The following TMC6 variants were observed in gnomAD, a reference collection of about 807,000 sequenced individuals.
The protein encoded by TMC6 is transmembrane channel-like protein 6.
In TMC6, 71 loss-of-function variants were observed where a neutral mutation model predicts 95.4. That is an observed-to-expected ratio of 0.74 (90% CI 0.61 to 0.91). The LOEUF is 0.91. TMC6 is among the 40% of genes least tolerant of loss of function. The probability of loss-of-function intolerance (pLI) is 0.00; values close to 1 mark genes in which losing one functional copy is unlikely to be tolerated. For synonymous variants in TMC6, 514 were observed against 483.1 expected, an observed-to-expected ratio of 1.06 and a Z score of -0.84; for missense variants, 1,074 against 1,079.1, an observed-to-expected ratio of 1.00 and a Z score of 0.07.
At chr17:78,118,424 C>T (rs1457579690) in intron 15 of TMC6, among the ~76,000 whole-genome samples, 3 of 152,132 alleles carry the variant, frequency 2.0e-5, no homozygotes, top group Admixed American at 6.5e-5. Context: ...GGTGTGGTGG[C>T]GGGCGCCTGT....
intron 13 of TMC6, chr17:78,119,704 G>C (rs1167429099): frequency 2.3e-6 from 1 of 434,908 alleles, no homozygotes; most frequent in Non-Finnish European, 4.3e-6. Flanking sequence ...ACGCAATCGT[G>C]GCTCACTGCA....
chr17:78,117,089 T>C (rs1174020104), intron 18 of TMC6, among the ~76,000 whole-genome samples, 180 bp downstream of exon 18: 4 of 152,008 alleles, frequency 2.6e-5, no homozygotes, highest in Non-Finnish European at 4.4e-5. Context: ...CCTGGCTCTG[T>C]CTCACGGCTA....
rs765586529 is a variant in TMC6 at position 78,123,991 on chromosome 17, G to A, written c.1080C>T (p.Tyr360=). Residue 360 remains tyrosine (Y), a splice_region_variant and synonymous_variant, in exon 9 of 20, where the codon TAC becomes TAT. Transcript: ENST00000590602. ...SFFITCITLV[Y]SMAHSFGESY... is the part of the protein sequence containing the mutation. Reference sequence around the variant, plus strand: ...GGGTCATGAGGTGGAGGCATTACCTGTACACCAGGGTGATGCAGGTGATAA... The same window carrying A: ...GGGTCATGAGGTGGAGGCATTACCTATACACCAGGGTGATGCAGGTGATAA... The A allele has an allele frequency of 1.2e-6, 2 of 1,613,664 alleles. No homozygotes were observed. Among genetic ancestry groups the A allele is most frequent in the African/African-American group, 2.7e-5 (2 of 74,904 alleles).
chr17:78,127,304 C>A (rs2074768226), intron 1 of TMC6, among the ~76,000 whole-genome samples: 1 of 152,218 alleles, frequency 6.6e-6, no homozygotes, highest in South Asian at 2.1e-4. Context: ...TGTAGGCCTT[C>A]TCTGCGTCTG....
intron 14 of TMC6, 74 bp downstream of exon 14, chr17:78,119,223 G>A: frequency 6.3e-7 from 1 of 1,578,694 alleles, no homozygotes; most frequent in East Asian, 2.2e-5. Context: ...GGGGGAGGCA[G>A]GTACAGGACC....
intron 18 of TMC6, among the ~76,000 whole-genome samples, chr17:78,115,924 G>A (rs1327722876): frequency 1.3e-5 from 2 of 150,724 alleles, no homozygotes; most frequent in East Asian, 1.9e-4. Flanking sequence ...CGAAGGGAGT[G>A]GGCACAGGGA....
In TMC6 at chr17:78,121,006, C is replaced by T; in HGVS notation, c.1535+7G>A. ...ACCAAATGATGTTTTCATGTGCGGC[C>T]ACACACCTGCAGATGGCCACGTACA... On this transcript the variant is annotated splice_region_variant and intron_variant, in intron 12 of 19. Coordinates refer to ENST00000590602, the MANE Select transcript of TMC6 (RefSeq NM_001127198.5). The surrounding 1 kb of genome is among the most constrained non-coding windows in gnomAD (Gnocchi z 5.6). The T allele has an allele frequency of 6.2e-7, 1 of 1,613,328 alleles. No homozygotes were observed. The highest frequency in any genetic ancestry group is 8.5e-7 in the Non-Finnish European group (1 of 1,180,008).
At chr17:78,119,556 G>A (rs1055473177) in intron 13 of TMC6, among the ~76,000 whole-genome samples, 164 bp from the exon 14 acceptor site, 1 of 152,222 alleles carries the variant, frequency 6.6e-6, no homozygotes, top group South Asian at 2.1e-4. Flanking sequence ...ACCCCACCAG[G>A]TGCTTGGTCA....
rs1397090118 is a variant in TMC6, at chr17:78,117,557, C to T, written c.2109G>A (p.Ala703=). ...GCAGCCAGGAGACCCTGGGGCCTGC[C>T]GCCTCCAGGTGGCGCACCCACACCC... The part of the protein sequence containing the change: ...AGRVWVRHLE[A]AGPRVSWLPW... The change falls in exon 17 of 20, where the codon GCG becomes GCA. Residue 703 remains alanine, a synonymous_variant. Transcript: ENST00000590602. The T allele has an allele frequency of 5.0e-6, 8 of 1,596,276 alleles. No homozygotes were observed. Among genetic ancestry groups the T allele is most frequent in the South Asian group, 4.5e-5 (4 of 89,042 alleles).
Position 78,109,659 on chromosome 17 carries a change from C to T in TMC6, c.*3489G>A, listed in dbSNP as rs1403982218. 1 of 426,632 alleles carries T rather than the reference C, an allele frequency of 2.3e-6. No individual in the cohort carries two copies. The highest frequency in any genetic ancestry group is 4.7e-6 in the Non-Finnish European group (1 of 211,166). The allele number at this position is 426,632 out of a possible 1,614,324, so 26.4% of individuals were successfully genotyped here. A position where few individuals can be genotyped will look rare whatever the true frequency, so the allele number is the denominator to read the frequency against. ...AGCAGAAGCACATTTCCGAAGCCCC[C>T]CAAGCCCACGGGCGTGAGTGCATGC... is the stretch of plus-strand genomic sequence containing the variant. On this transcript the variant is annotated 3_prime_UTR_variant, in exon 20 of 20. Transcript: ENST00000590602.
At position 78,121,500 on chromosome 17, in the gene TMC6, C is replaced by T; in HGVS notation, c.1383+56G>A. 1 of 1,609,202 alleles carries T rather than the reference C, an allele frequency of 6.2e-7. No homozygotes were observed. The highest frequency in any genetic ancestry group is 1.3e-5 in the African/African-American group (1 of 74,874). On this transcript the variant is annotated intron_variant, in intron 11 of 19. Transcript: ENST00000590602. This position sits in a 1 kb window ranked among gnomAD's most constrained non-coding sequence, Gnocchi z 5.6. ...GGCTGCCTCCCCAGGGGGCAGGTGC[C>T]CAGAGTCACTGGGGACACGTTCCAA...
intron 9 of TMC6, among the ~76,000 whole-genome samples, chr17:78,123,444 C>T (rs1481521898): frequency 7.0e-6 from 1 of 143,784 alleles, no homozygotes; most frequent in Non-Finnish European, 1.5e-5. Flanking sequence ...GATGGATGTG[C>T]GAATGGATGG....
In TMC6 at chr17:78,121,613, C is replaced by G; in HGVS notation, c.1326G>C (p.Leu442=). ...CCACGGCGCAGCCCAGCGCGGTCCC[C>G]AGACACAGCAGCCACACAAGCCCCA... ...AVLGLVWLLC[L]GTALGCAVAV... The change falls in exon 11 of 20, where the codon CTG becomes CTC. Residue 442 remains leucine, a synonymous_variant. Coordinates refer to ENST00000590602, the MANE Select transcript of TMC6 (RefSeq NM_001127198.5). The surrounding 1 kb of genome is among the most constrained non-coding windows in gnomAD (Gnocchi z 5.6). The G allele has an allele frequency of 1.2e-6, 2 of 1,611,102 alleles. No individual in the cohort carries two copies. The highest frequency in any genetic ancestry group is 1.7e-6 in the Non-Finnish European group (2 of 1,179,576).
upstream of TMC6, chr17:78,131,866 C>T (rs1245873344): frequency 1.4e-6 from 2 of 1,461,456 alleles, no homozygotes; most frequent in Non-Finnish European, 1.8e-6. Flanking sequence ...GCGCCCCTGT[C>T]ACCACCCCCG....
rs990857468 is a variant in TMC6 at position 78,113,120 on chromosome 17, C to T, written c.*28G>A. ...AACAGTGTGGTCTCAGGGTGCTGGG[C>T]GGGCCCGTGAGGCCCATCGCCGTCC... On this transcript the variant is annotated 3_prime_UTR_variant, in exon 20 of 20. Transcript: ENST00000590602. The T allele has an allele frequency of 1.7e-5, 27 of 1,549,552 alleles. No individual in the cohort carries two copies. Among genetic ancestry groups the T allele is most frequent in the South Asian group, 3.6e-5 (3 of 83,986 alleles).
intron 12 of TMC6, 71 bp from the exon 13 acceptor site, chr17:78,120,903 C>G: frequency 1.2e-6 from 2 of 1,611,336 alleles, no homozygotes; most frequent in Non-Finnish European, 1.7e-6. Context: ...GGGCCCCCAC[C>G]AGGGGCTTGG....
chr17:78,123,909 GAAGAATCAA>G, intron 9 of TMC6, 71 bp downstream of exon 9: 1 of 1,557,208 alleles, frequency 6.4e-7, no homozygotes, highest in African/African-American at 1.4e-5. Flanking sequence ...AAGGAAGAGG[GAAGAATCAA>G]TGAATGGGTC....
In TMC6 at chr17:78,125,373, C is replaced by T. The variant is rs577835715; in HGVS notation, c.431-110G>A. On this transcript the variant is annotated intron_variant, in intron 5 of 19. Transcript: ENST00000590602. ...TCCCTGCGGCACCGTCCCGAGACAC[C>T]TCGGTGCCCTTATTTGAGCTTCAGT... 1.1e-5 allele frequency: 11 copies of T among 977,918 alleles called. No homozygotes were observed. In the South Asian group the frequency reaches 1.4e-4, roughly 12 times the overall value. The allele number at this position is 977,918 out of a possible 1,614,324, so 60.6% of individuals were successfully genotyped here.
upstream of TMC6, chr17:78,132,374 GA>G: frequency 2.5e-6 from 4 of 1,613,094 alleles, no homozygotes; most frequent in Non-Finnish European, 3.4e-6. Context: ...TTCGGCACAG[GA>G]ATTCGGTCCT....
Sources: allele counts gnomAD v4.1 joint callset (sites outside exome capture counted in the v4.1 genomes callset), GRCh38; gene constraint gnomAD v4.1.1; non-coding constraint Gnocchi (gnomAD v3.1); transcripts MANE v1.5; gene names NCBI Gene and HGNC (gene_info 2026-07-23, HGNC 2026-07-21).